The following COX7B2 variants were observed in gnomAD, a reference collection of about 807,000 sequenced individuals.
COX7B2 encodes the protein cytochrome c oxidase subunit 7B2, mitochondrial.
For synonymous variants in COX7B2, 37 were observed against 32.1 expected, an observed-to-expected ratio of 1.15 and a Z score of -0.51; for missense variants, 109 against 95.9, an observed-to-expected ratio of 1.14 and a Z score of -0.57.
chr4:46,753,268 CT>C (rs769840548), intron 2 of COX7B2, among the ~76,000 whole-genome samples: 1 of 152,058 alleles, frequency 6.6e-6, no homozygotes, highest in Non-Finnish European at 1.5e-5. Context: ...GTGATATCCC[CT>C]TTATCATTTT....
At chr4:46,801,931 A>G (rs1157201220) in intron 2 of COX7B2, among the ~76,000 whole-genome samples, 2 of 152,160 alleles carry the variant, frequency 1.3e-5, no homozygotes, top group Non-Finnish European at 2.9e-5. Flanking sequence ...TTATTTGTAT[A>G]GCTCTTCAGA....
chr4:46,892,896 T>C (rs1222110749), intron 1 of COX7B2, among the ~76,000 whole-genome samples: 1 of 152,196 alleles, frequency 6.6e-6, no homozygotes, highest in Non-Finnish European at 1.5e-5. Flanking sequence ...CATGCTATTC[T>C]CATGATAGTA....
intron 1 of COX7B2, among the ~76,000 whole-genome samples, chr4:46,875,554 T>G (rs1718267103): frequency 6.6e-6 from 1 of 152,094 alleles, no homozygotes. Flanking sequence ...AATACCACTT[T>G]CATCATGTCA....
intron 1 of COX7B2, among the ~76,000 whole-genome samples, chr4:46,875,034 G>T (rs1236182978): frequency 1.3e-5 from 2 of 152,078 alleles, no homozygotes; most frequent in Non-Finnish European, 2.9e-5. Context: ...CCAGGACTGT[G>T]GCTGGGTAAT....
chr4:46,777,747 G>A (rs1717236308), intron 2 of COX7B2, among the ~76,000 whole-genome samples: 1 of 152,122 alleles, frequency 6.6e-6, no homozygotes, highest in Admixed American at 6.6e-5. Flanking sequence ...AGTTATCATG[G>A]AATAGCTGGA....
intron 2 of COX7B2, among the ~76,000 whole-genome samples, chr4:46,751,016 A>G (rs80219808): frequency 6.6e-6 from 1 of 152,258 alleles, no homozygotes; most frequent in African/African-American, 2.4e-5. Flanking sequence ...ATGAACTATA[A>G]AGCTTTCATG....
chr4:46,908,756 A>AAAAAAAAAAAAAC (rs1720559736), intron 1 of COX7B2, among the ~76,000 whole-genome samples: 1 of 151,156 alleles, frequency 6.6e-6, no homozygotes, highest in African/African-American at 2.4e-5. Flanking sequence ...AAAAAAAAAA[A>AAAAAAAAAAAAAC]TCTGGCCGGG....
At chr4:46,879,766 T>G (rs1379281564) in intron 1 of COX7B2, among the ~76,000 whole-genome samples, 1 of 151,934 alleles carries the variant, frequency 6.6e-6, no homozygotes, top group Non-Finnish European at 1.5e-5. Flanking sequence ...TTTTTATAGT[T>G]CATTTGAAGG....
At chr4:46,822,234 T>G (rs1425171646) in intron 2 of COX7B2, among the ~76,000 whole-genome samples, 1 of 152,130 alleles carries the variant, frequency 6.6e-6, no homozygotes, top group Non-Finnish European at 1.5e-5. Context: ...ATAGAAAATA[T>G]GGGAGTTTTT....
intron 2 of COX7B2, among the ~76,000 whole-genome samples, chr4:46,800,941 T>C (rs993745813): frequency 2.0e-5 from 3 of 151,890 alleles, no homozygotes; most frequent in South Asian, 4.2e-4. Flanking sequence ...ATTTAAAAAA[T>C]GGGCAAAGGC....
chr4:46,895,712 G>A (rs1429934880), intron 1 of COX7B2, among the ~76,000 whole-genome samples: 1 of 151,972 alleles, frequency 6.6e-6, no homozygotes, highest in Non-Finnish European at 1.5e-5. Flanking sequence ...TTATTTTCAT[G>A]TGTAATTACA....
At chr4:46,800,817 TA>T (rs1372711882) in intron 2 of COX7B2, among the ~76,000 whole-genome samples, 2 of 152,048 alleles carry the variant, frequency 1.3e-5, no homozygotes, top group Admixed American at 6.6e-5. Context: ...ATCAACAGAA[TA>T]AACAGACAAC....
At chr4:46,880,806 A>G (rs1239298866) in intron 1 of COX7B2, among the ~76,000 whole-genome samples, 1 of 133,120 alleles carries the variant, frequency 7.5e-6, no homozygotes, top group Non-Finnish European at 1.6e-5. Context: ...GATCACATGG[A>G]CACAGGAAGG....
chr4:46,775,202 A>G (rs1026819187), intron 2 of COX7B2, among the ~76,000 whole-genome samples: 1 of 152,142 alleles, frequency 6.6e-6, no homozygotes, highest in Admixed American at 6.6e-5. Flanking sequence ...TATATTCTTT[A>G]TGAAACATAA....
At position 46,739,060 on chromosome 4, in the gene COX7B2, G is replaced by A. The variant is rs1195385999; in HGVS notation, c.-49-3819C>T. On this transcript the variant is annotated intron_variant, in intron 2 of 2. Coordinates refer to ENST00000355591, the MANE Select transcript of COX7B2 (RefSeq NM_130902.3). ...GTAACGATAATAATTTCAAATCGCTGAAGGCTATCAAAAGAAGTAAAACAA... is the reference window on the plus strand; with the variant it reads ...GTAACGATAATAATTTCAAATCGCTAAAGGCTATCAAAAGAAGTAAAACAA... Among the ~76,000 whole-genome samples, 3 of 152,182 alleles carry A rather than the reference G, an allele frequency of 2.0e-5. No homozygotes were observed. The South Asian group carries it at 6.2e-4, about 32-fold the overall frequency.
At chr4:46,823,689 C>T (rs1211525273) in intron 2 of COX7B2, among the ~76,000 whole-genome samples, 2 of 149,188 alleles carry the variant, frequency 1.3e-5, no homozygotes, top group South Asian at 2.1e-4. Flanking sequence ...AATTACCTTA[C>T]AAAAATTGAA....
In COX7B2 at chr4:46,863,099, A is replaced by C. The variant is rs572196985; in HGVS notation, c.-104-18085T>G. On this transcript the variant is annotated intron_variant, in intron 1 of 2. Coordinates refer to ENST00000355591, the MANE Select transcript of COX7B2 (RefSeq NM_130902.3). ...CAAAGAATATGCCTTTTTATCGAGA[A>C]AAAGAATAACTTTGTCTAATTCAAA... Among the ~76,000 whole-genome samples the C allele has an allele frequency of 8.5e-5, 13 of 152,292 alleles. No homozygotes were observed. In the South Asian group the frequency reaches 2.7e-3, roughly 32 times the overall value.
intron 1 of COX7B2, among the ~76,000 whole-genome samples, chr4:46,905,644 A>G (rs1231858135): frequency 6.6e-6 from 1 of 152,118 alleles, no homozygotes; most frequent in Non-Finnish European, 1.5e-5. Context: ...AAAATTTCTA[A>G]TCAAGTTCAC....
At chr4:46,762,054 C>T (rs941140936) in intron 2 of COX7B2, among the ~76,000 whole-genome samples, 3 of 150,832 alleles carry the variant, frequency 2.0e-5, no homozygotes, top group African/African-American at 7.3e-5. Flanking sequence ...GAGCAGGGTG[C>T]AAACTTTCCT....
Sources: gnomAD v4.1 joint callset for allele counts (sites outside exome capture counted in the v4.1 genomes callset) on GRCh38, gnomAD v4.1.1 for gene constraint, MANE v1.5 for transcripts, NCBI Gene and HGNC (gene_info 2026-07-23, HGNC 2026-07-21) for gene names.